The following UBAC2 variants were observed in gnomAD, a reference collection of about 807,000 sequenced individuals.
UBAC2 encodes UBA domain containing 2, also known as ubiquitin-associated domain-containing protein 2.
UBAC2 carries 26 observed loss-of-function variants against 44.0 expected under a neutral mutation model. The ratio of observed to expected loss-of-function variants is 0.59; its 90% CI spans 0.43 to 0.82. UBAC2 has a LOEUF of 0.82. Among genes scored for constraint, UBAC2 ranks in the 40% least tolerant of loss-of-function variants. The pLI, the probability that UBAC2 is intolerant of heterozygous loss-of-function variation, is 0.00. For synonymous variants in UBAC2, 155 were observed against 154.3 expected (o/e 1.00, Z -0.04); for missense variants, 329 against 419.4 (o/e 0.78, Z 1.88).
At chr13:99,289,811 A>C (rs2044066174) in intron 4 of UBAC2, among the ~76,000 whole-genome samples, 1 of 152,152 alleles carries the variant, frequency 6.6e-6, no homozygotes, top group African/African-American at 2.4e-5. Flanking sequence ...CCAGGCTGAC[A>C]AAGGTGCCAC....
At chr13:99,274,704 C>T (rs1213336604) in intron 4 of UBAC2, among the ~76,000 whole-genome samples, 2 of 149,878 alleles carry the variant, frequency 1.3e-5, no homozygotes, top group Admixed American at 1.3e-4. Flanking sequence ...TATGAATATC[C>T]TTTTTCCTTT....
rs577215546 is a variant in UBAC2, at chr13:99,264,795, A to G, written c.389+20171A>G. Among the ~76,000 whole-genome samples, 8 of 152,290 alleles carry G rather than the reference A, an allele frequency of 5.3e-5. No individual in the cohort carries two copies. In the East Asian group the frequency reaches 1.2e-3, roughly 22 times the overall value. Reference sequence around the variant, plus strand: ...AGGACTGTGGATAGGAGCCGGCAGGATAGGAGCTTGGAGGCTGCATGGAAG... The same window carrying G: ...AGGACTGTGGATAGGAGCCGGCAGGGTAGGAGCTTGGAGGCTGCATGGAAG... On this transcript the variant is annotated intron_variant, in intron 4 of 8. Coordinates refer to ENST00000403766, the MANE Select transcript of UBAC2 (RefSeq NM_001144072.2).
chr13:99,361,732 C>G (rs539394565), intron 7 of UBAC2, among the ~76,000 whole-genome samples: 40 of 152,314 alleles, frequency 2.6e-4, no homozygotes, highest in South Asian at 1.2e-3. Context: ...TCCTGTCCCC[C>G]CTCCCCTCCT....
At chr13:99,323,642 C>T (rs528546165) in intron 6 of UBAC2, among the ~76,000 whole-genome samples, 1 of 152,340 alleles carries the variant, frequency 6.6e-6, no homozygotes, top group Non-Finnish European at 1.5e-5. Flanking sequence ...CACTCACATT[C>T]ACGTTGACTC....
intron 7 of UBAC2, among the ~76,000 whole-genome samples, chr13:99,360,708 C>T (rs1441125699): frequency 6.6e-6 from 1 of 152,182 alleles, no homozygotes; most frequent in Non-Finnish European, 1.5e-5. Context: ...AGCCCCAGCC[C>T]CATCCTCTTG....
At chr13:99,323,842 G>A (rs912558374) in intron 6 of UBAC2, among the ~76,000 whole-genome samples, 3 of 152,164 alleles carry the variant, frequency 2.0e-5, no homozygotes, top group African/African-American at 4.8e-5. Context: ...GGGAGGTAGC[G>A]ACCAGTTGAC....
At chr13:99,218,645 C>G (rs181054682) in intron 1 of UBAC2, among the ~76,000 whole-genome samples, 1 of 152,248 alleles carries the variant, frequency 6.6e-6, no homozygotes, top group African/African-American at 2.4e-5. Context: ...GTATGAGGAG[C>G]GGTCAGTGTG....
chr13:99,238,307 A>G lies in UBAC2; in HGVS notation c.32-120A>G, dbSNP rs2043262754. ...AGTGGATATTAGAACCAAATTTCAG[A>G]GTTTCTGGACTTTGTCTTCATTCTG... On this transcript the variant is annotated intron_variant, in intron 1 of 8. Coordinates refer to ENST00000403766, the MANE Select transcript of UBAC2 (RefSeq NM_001144072.2). The G allele has an allele frequency of 1.4e-5, 19 of 1,316,678 alleles. 1 individual carries two copies. In the South Asian group the frequency reaches 3.0e-4, roughly 21 times the overall value. The allele number at this position is 1,316,678 out of a possible 1,614,324, so 81.6% of individuals were successfully genotyped here.
rs2044975429 is a variant in UBAC2 at position 99,346,096 on chromosome 13, A to AGGT, written c.807+5531_807+5532insGGT. Reference sequence around the variant, plus strand: ...TCCCTTTCTCACTCCCTACCTGATGAAAAGCACCCATTGTTTACCCGAAAG... The same window carrying AGGT: ...TCCCTTTCTCACTCCCTACCTGATGAGGTAAAGCACCCATTGTTTACCCGAAAG... On this transcript the variant is annotated intron_variant, in intron 7 of 8. Coordinates refer to ENST00000403766, the MANE Select transcript of UBAC2 (RefSeq NM_001144072.2). Among the ~76,000 whole-genome samples the AGGT allele has an allele frequency of 3.3e-5, 5 of 152,302 alleles. No homozygotes were observed. The South Asian group carries it at 1.0e-3, about 32-fold the overall frequency.
chr13:99,353,728 C>CG (rs2045131940), intron 7 of UBAC2, among the ~76,000 whole-genome samples: 1 of 119,798 alleles, frequency 8.3e-6, no homozygotes, highest in Non-Finnish European at 1.7e-5. Context: ...AGTTTTTCCT[C>CG]CCCAAAAAAA....
chr13:99,281,203 A>AAAAC (rs2043949917), intron 4 of UBAC2, among the ~76,000 whole-genome samples: 1 of 151,728 alleles, frequency 6.6e-6, no homozygotes, highest in African/African-American at 2.4e-5. Flanking sequence ...AAAACAAAAC[A>AAAAC]AAACAAAACA....
chr13:99,266,304 T>C (rs1200523337), intron 4 of UBAC2, among the ~76,000 whole-genome samples: 1 of 152,106 alleles, frequency 6.6e-6, no homozygotes, highest in Non-Finnish European at 1.5e-5. Context: ...CTTGGCCACA[T>C]TGGGAGAACT....
chr13:99,240,227 C>T (rs115038753), intron 2 of UBAC2, among the ~76,000 whole-genome samples: 145 of 152,216 alleles, frequency 9.5e-4, no homozygotes, highest in African/African-American at 3.3e-3. Context: ...GAGTGCAAGC[C>T]GGTAGCCAGT....
intron 4 of UBAC2, chr13:99,254,703 T>A (rs1033077432): frequency 3.5e-6 from 2 of 567,920 alleles, no homozygotes; most frequent in Non-Finnish European, 5.9e-6. Context: ...AAAAATCAGA[T>A]GCTTTTCTCT....
chr13:99,360,949 C>A (rs982139541), intron 7 of UBAC2, among the ~76,000 whole-genome samples: 1 of 152,162 alleles, frequency 6.6e-6, no homozygotes, highest in African/African-American at 2.4e-5. Flanking sequence ...CTCGAGTGCC[C>A]GAGGTCAGCC....
rs776251286 is a variant in UBAC2 at position 99,202,072 on chromosome 13, CAAAAAAAAA to C, written c.31+1147_31+1155del. ...TGGGCGACAAAGCGAGACTCCATCTCAAAAAAAAAAAAAAAAAAAAAAGATCTGTTGGGA... is the reference window on the plus strand; with the variant it reads ...TGGGCGACAAAGCGAGACTCCATCTCAAAAAAAAAAAAAGATCTGTTGGGA... On this transcript the variant is annotated intron_variant, in intron 1 of 8. Coordinates refer to ENST00000403766, the MANE Select transcript of UBAC2 (RefSeq NM_001144072.2). Among the ~76,000 whole-genome samples, 8 of 71,966 alleles carry C rather than the reference CAAAAAAAAA, an allele frequency of 1.1e-4. No individual in the cohort carries two copies. In the South Asian group the frequency reaches 2.8e-3, roughly 25 times the overall value. 47.2% of individuals were successfully genotyped at this position (71,966 alleles called of 152,430 possible).
Position 99,312,167 on chromosome 13 carries a change from T to C in UBAC2, c.390-1930T>C, listed in dbSNP as rs778609952. On this transcript the variant is annotated intron_variant, in intron 4 of 8. Coordinates refer to ENST00000403766, the MANE Select transcript of UBAC2 (RefSeq NM_001144072.2). ...TTTAACAGTAGAATTGAGAGGACAG[T>C]GCATTTTTTAAAATAACGTAGTCTC... 4.6e-5 allele frequency among the ~76,000 whole-genome samples: 7 copies of C among 152,362 alleles called. No homozygotes were observed. In the East Asian group the frequency reaches 5.8e-4, roughly 13 times the overall value.
intron 4 of UBAC2, among the ~76,000 whole-genome samples, chr13:99,250,185 T>C (rs1200820904): frequency 1.3e-5 from 2 of 152,230 alleles, no homozygotes; most frequent in African/African-American, 4.8e-5. Flanking sequence ...AGGATTCTTA[T>C]AGTTTGAAGT....
intron 4 of UBAC2, among the ~76,000 whole-genome samples, chr13:99,287,999 A>G (rs2044042145): frequency 1.3e-5 from 2 of 152,210 alleles, no homozygotes; most frequent in African/African-American, 4.8e-5. Flanking sequence ...ATACATTTTT[A>G]CTATGTAGCC....
Sources: gnomAD v4.1 joint callset for allele counts (sites outside exome capture counted in the v4.1 genomes callset) on GRCh38, gnomAD v4.1.1 for gene constraint, MANE v1.5 for transcripts, NCBI Gene and HGNC (gene_info 2026-07-23, HGNC 2026-07-21) for gene names.